The following NR2C2 variants were observed in gnomAD, a reference collection of about 807,000 sequenced individuals.
NR2C2 encodes Nuclear hormone receptor TR4.
In NR2C2, 6 loss-of-function variants were observed where a neutral mutation model predicts 62.9. The observed-to-expected ratio is 0.10, with a 90% CI of 0.05 to 0.19. The LOEUF (loss-of-function observed/expected upper bound fraction) is 0.19, where lower values mean the gene tolerates loss of function less well. NR2C2 is among the 10% of genes least tolerant of loss of function. The pLI is 1.00. For missense variants in NR2C2, 479 were observed against 762.7 expected (o/e 0.63, Z 4.38); for synonymous variants, 272 against 273.8 (o/e 0.99, Z 0.07).
intron 2 of NR2C2, among the ~76,000 whole-genome samples, chr3:15,011,992 A>G (rs921030530): frequency 8.5e-5 from 13 of 152,132 alleles, no homozygotes; most frequent in Admixed American, 3.3e-4. Flanking sequence ...GCTTCCCCCA[A>G]TAGAAGTTTA....
chr3:15,023,251 A>G lies in NR2C2; in HGVS notation c.608A>G (p.Asn203Ser), dbSNP rs752699756. ...PFDVQREKPSNCAASTEKIYI... is the reference protein window; with the variant it reads ...PFDVQREKPSSCAASTEKIYI... ...GATGTGCAACGGGAGAAACCAAGCAATTGTGCTGCTTCAACTGAGAAAATC... is the reference window on the plus strand; with the variant it reads ...GATGTGCAACGGGAGAAACCAAGCAGTTGTGCTGCTTCAACTGAGAAAATC... Residue 203 changes from asparagine (N) to serine (S), a missense_variant, in exon 6 of 14, where the codon AAT (asparagine) becomes AGT (serine). By Grantham distance (46) the Asn-to-Ser change is conservative. Coordinates refer to ENST00000425241, the MANE Select transcript of NR2C2 (RefSeq NM_001291694.2). The G allele has an allele frequency of 6.2e-6, 10 of 1,614,240 alleles. No homozygotes were observed. Among genetic ancestry groups the G allele is most frequent in the East Asian group, 2.2e-5 (1 of 44,886 alleles).
At chr3:14,968,447 A>G (rs1263438775) in intron 1 of NR2C2, among the ~76,000 whole-genome samples, 2 of 151,922 alleles carry the variant, frequency 1.3e-5, no homozygotes, top group African/African-American at 4.8e-5. Flanking sequence ...ACCATCTCAC[A>G]CCAGTTAGAA....
Position 15,046,384 on chromosome 3 carries a change from C to A in NR2C2, c.*3376C>A, listed in dbSNP as rs1307980067. 6.6e-6 allele frequency: 1 copy of A among 152,330 alleles called. No individual in the cohort carries two copies. The highest frequency in any genetic ancestry group is 1.9e-4 in the East Asian group (1 of 5,186). 9.4% of individuals were successfully genotyped at this position (152,330 alleles called of 1,614,324 possible). On this transcript the variant is annotated 3_prime_UTR_variant, in exon 14 of 14. Coordinates refer to ENST00000425241, the MANE Select transcript of NR2C2 (RefSeq NM_001291694.2). Reference sequence around the variant, plus strand: ...AGGCTCCTTAATCTCAAGGCAATATCCACGCTACACACATACTTATTAGCT... The same window carrying A: ...AGGCTCCTTAATCTCAAGGCAATATACACGCTACACACATACTTATTAGCT...
chr3:14,970,529 T>C (rs1310685820), intron 1 of NR2C2, among the ~76,000 whole-genome samples: 1 of 152,182 alleles, frequency 6.6e-6, no homozygotes, highest in Non-Finnish European at 1.5e-5. Flanking sequence ...ATTCTTTCCA[T>C]GTCTCTGAAT....
chr3:15,002,433 CG>C (rs537562494), intron 1 of NR2C2, among the ~76,000 whole-genome samples: 1 of 152,040 alleles, frequency 6.6e-6, no homozygotes, highest in South Asian at 2.1e-4. Context: ...CCCAGTTATT[CG>C]TGGTGTATAA....
intron 1 of NR2C2, among the ~76,000 whole-genome samples, chr3:14,969,593 T>G (rs1413252870): frequency 6.6e-6 from 1 of 152,202 alleles, no homozygotes; most frequent in Non-Finnish European, 1.5e-5. Flanking sequence ...ATTTAGGAGT[T>G]AACTTGCTGA....
intron 4 of NR2C2, among the ~76,000 whole-genome samples, chr3:15,020,293 G>A (rs2041634890): frequency 6.6e-6 from 1 of 152,206 alleles, no homozygotes; most frequent in Non-Finnish European, 1.5e-5. Flanking sequence ...GCAGGAGTGA[G>A]ACCCTCTGTG....
intron 1 of NR2C2, chr3:14,959,445 CTT>C (rs978514057): frequency 7.9e-5 from 12 of 152,162 alleles, no homozygotes; most frequent in African/African-American, 2.9e-4. Flanking sequence ...GGATTTAAGT[CTT>C]TATTGAAAGC....
chr3:14,960,996 C>T (rs896752974), intron 1 of NR2C2, among the ~76,000 whole-genome samples: 9 of 151,972 alleles, frequency 5.9e-5, no homozygotes, highest in African/African-American at 2.2e-4. Context: ...AAGTTTTTAC[C>T]ATCTATTAAA....
rs780896387 is a variant in NR2C2 at position 15,038,148 on chromosome 3, C to G, written c.1510+11C>G. On this transcript the variant is annotated intron_variant, in intron 12 of 13. Transcript: ENST00000425241. Reference sequence around the variant, plus strand: ...TTCTCTTTAGCCCCGGTAAGATATGCGGTGGGGATGCATGACCCCTTTCCA... The same window carrying G: ...TTCTCTTTAGCCCCGGTAAGATATGGGGTGGGGATGCATGACCCCTTTCCA... 4.4e-6 allele frequency: 7 copies of G among 1,601,738 alleles called. No individual in the cohort carries two copies. Among genetic ancestry groups the G allele is most frequent in the Non-Finnish European group, 5.1e-6 (6 of 1,173,474 alleles).
rs113008551 is a variant in NR2C2 at position 14,961,918 on chromosome 3, C to T, written c.-40+14012C>T. Among the ~76,000 whole-genome samples the T allele has an allele frequency of 4.2e-3, 640 of 152,302 alleles. 4 individuals are homozygous for T. The highest frequency in any genetic ancestry group is 6.9e-3 in the Non-Finnish European group (471 of 68,024). On this transcript the variant is annotated intron_variant, in intron 1 of 13. Coordinates refer to ENST00000425241, the MANE Select transcript of NR2C2 (RefSeq NM_001291694.2). ...GTTAGTGATAGTATTTGCCTTTCAACCTGTGAGTGAGGTATGTTAGCACCA... is the reference window on the plus strand; with the variant it reads ...GTTAGTGATAGTATTTGCCTTTCAATCTGTGAGTGAGGTATGTTAGCACCA...
intron 2 of NR2C2, among the ~76,000 whole-genome samples, chr3:15,005,271 C>T (rs2041135701): frequency 6.6e-6 from 1 of 151,472 alleles, no homozygotes; most frequent in South Asian, 2.1e-4. Flanking sequence ...ACTGCAGCCT[C>T]TACCTCAGAG....
chr3:14,987,898 G>A lies in NR2C2; in HGVS notation c.-39-15978G>A, dbSNP rs147895821. ...TGTTTTTATAAAATGTTATTACACA[G>A]AATAAATATCATCTTTTCCCCAGGT... On this transcript the variant is annotated intron_variant, in intron 1 of 13. Transcript: ENST00000425241. Among the ~76,000 whole-genome samples the A allele has an allele frequency of 7.2e-3, 1,089 of 152,256 alleles. 10 individuals carry two copies. Among genetic ancestry groups the A allele is most frequent in the Non-Finnish European group, 7.8e-3 (529 of 68,006 alleles).
chr3:14,965,508 G>A (rs1574935041), intron 1 of NR2C2, among the ~76,000 whole-genome samples: 1 of 97,440 alleles, frequency 1.0e-5, no homozygotes, highest in Non-Finnish European at 1.9e-5. Flanking sequence ...TAGTACAACT[G>A]TTGTTTCCCA....
At chr3:14,970,755 A>T (rs2040012605) in intron 1 of NR2C2, among the ~76,000 whole-genome samples, 1 of 152,182 alleles carries the variant, frequency 6.6e-6, no homozygotes, top group Non-Finnish European at 1.5e-5. Context: ...GGGTTGCTTC[A>T]ACCTCTTGGC....
At chr3:14,950,197 A>G (rs544176413) in intron 1 of NR2C2, among the ~76,000 whole-genome samples, 2 of 152,292 alleles carry the variant, frequency 1.3e-5, no homozygotes, top group South Asian at 2.1e-4. Flanking sequence ...GGCAAAAACA[A>G]TAGATTCGAA....
intron 9 of NR2C2, 53 bp from the exon 10 acceptor site, chr3:15,032,326 G>T: frequency 5.6e-6 from 9 of 1,613,038 alleles, no homozygotes; most frequent in Non-Finnish European, 7.6e-6. Flanking sequence ...GACAGACAAA[G>T]CCATCCCCTG....
At chr3:14,999,882 G>A (rs1006435033) in intron 1 of NR2C2, among the ~76,000 whole-genome samples, 2 of 152,032 alleles carry the variant, frequency 1.3e-5, no homozygotes, top group Admixed American at 6.5e-5. Flanking sequence ...TGCCGGTACT[G>A]CAATTTTTTT....
rs959772422 is a variant in NR2C2 at position 15,043,087 on chromosome 3, G to T, written c.*79G>T. The T allele has an allele frequency of 2.2e-6, 3 of 1,392,358 alleles. No homozygotes were observed. The highest frequency in any genetic ancestry group is 3.1e-5 in the South Asian group (2 of 65,152). The allele number at this position is 1,392,358 out of a possible 1,614,324, so 86.3% of individuals were successfully genotyped here. ...TACAAAGAAAAGTAGTGGTATTTTG[G>T]TATGTGCAAATATTTCCATATGTTA... On this transcript the variant is annotated 3_prime_UTR_variant, in exon 14 of 14. Coordinates refer to ENST00000425241, the MANE Select transcript of NR2C2 (RefSeq NM_001291694.2).
Sources: allele counts gnomAD v4.1 joint callset (sites outside exome capture counted in the v4.1 genomes callset), GRCh38; gene constraint gnomAD v4.1.1; transcripts MANE v1.5; gene names NCBI Gene and HGNC (gene_info 2026-07-23, HGNC 2026-07-21).